BRINP3: variants seen among roughly 807,000 people sequenced by gnomAD.
BRINP3 encodes the protein BMP/retinoic acid-inducible neural-specific protein 3.
BRINP3 carries 19 observed loss-of-function variants against 71.0 expected under a neutral mutation model. The observed-to-expected ratio is 0.27, with a 90% CI of 0.19 to 0.39. The LOEUF (loss-of-function observed/expected upper bound fraction) is 0.39, where lower values mean the gene tolerates loss of function less well. BRINP3 is among the 10% of genes least tolerant of loss of function. The pLI is 1.00. For missense variants in BRINP3, 959 were observed against 940.8 expected (o/e 1.02, Z -0.25); for synonymous variants, 380 against 337.7 (o/e 1.13, Z -1.37).
rs542895902 is a variant in BRINP3 at position 190,345,235 on chromosome 1, T to A, written c.237-63485A>T. The stretch of plus-strand genomic sequence containing the variant: ...CATAACCAGTTGTGCATGTTCATAA[T>A]CGTTCCAGAAAAGAGACACAGATTT... On this transcript the variant is annotated intron_variant, in intron 2 of 7. Transcript: ENST00000367462. Among the ~76,000 whole-genome samples the A allele has an allele frequency of 1.4e-4, 22 of 151,860 alleles. No individual in the cohort carries two copies. In the South Asian group the frequency reaches 4.6e-3, roughly 31 times the overall value.
At chr1:190,127,983 T>C (rs191646140) in intron 7 of BRINP3, among the ~76,000 whole-genome samples, 1 of 151,780 alleles carries the variant, frequency 6.6e-6, no homozygotes. Context: ...TTGAGTCAAA[T>C]TTCTTGGTCC....
intron 1 of BRINP3, among the ~76,000 whole-genome samples, chr1:190,463,962 A>G (rs1176218112): frequency 2.0e-5 from 3 of 152,028 alleles, no homozygotes; most frequent in East Asian, 1.9e-4. Context: ...GGATTTTGCT[A>G]TTCTATTTCT....
At chr1:190,289,517 A>G (rs7530507) in intron 2 of BRINP3, among the ~76,000 whole-genome samples, 1,597 of 151,984 alleles carry the variant, frequency 0.011, 25 homozygotes, top group African/African-American at 0.036. Flanking sequence ...CAAGGTATAA[A>G]TTTTTTATTC....
intron 2 of BRINP3, among the ~76,000 whole-genome samples, chr1:190,329,158 T>TG (rs1471448849): frequency 1.3e-5 from 2 of 152,058 alleles, no homozygotes; most frequent in Admixed American, 1.3e-4. Flanking sequence ...AGCATGATAC[T>TG]GGAAGTGGTA....
At chr1:190,229,677 C>CACACAT (rs1160711805) in intron 5 of BRINP3, among the ~76,000 whole-genome samples, 1 of 151,182 alleles carries the variant, frequency 6.6e-6, no homozygotes, top group Non-Finnish European at 1.5e-5. Flanking sequence ...CACACACACA[C>CACACAT]ACACACACAC....
intron 2 of BRINP3, among the ~76,000 whole-genome samples, chr1:190,432,238 G>T (rs1310027913): frequency 6.6e-6 from 1 of 152,038 alleles, no homozygotes; most frequent in Non-Finnish European, 1.5e-5. Flanking sequence ...AACAGAAATT[G>T]CATCTTCAAC....
intron 2 of BRINP3, among the ~76,000 whole-genome samples, chr1:190,369,666 G>T (rs2102180438): frequency 6.6e-6 from 1 of 151,384 alleles, no homozygotes; most frequent in African/African-American, 2.4e-5. Flanking sequence ...AAAAAAGTAT[G>T]TTCTTGTGTT....
intron 7 of BRINP3, among the ~76,000 whole-genome samples, chr1:190,145,503 T>C (rs1455756703): frequency 6.6e-6 from 1 of 152,164 alleles, no homozygotes; most frequent in African/African-American, 2.4e-5. Flanking sequence ...AAGGATTAAG[T>C]AGGAATGGGT....
intron 3 of BRINP3, among the ~76,000 whole-genome samples, chr1:190,267,302 C>T (rs1571573782): frequency 6.6e-6 from 1 of 151,922 alleles, no homozygotes; most frequent in African/African-American, 2.4e-5. Flanking sequence ...TAGTATGACT[C>T]ACTGATGGCA....
chr1:190,263,178 T>C (rs1661343116), intron 4 of BRINP3, among the ~76,000 whole-genome samples: 2 of 152,200 alleles, frequency 1.3e-5, no homozygotes, highest in African/African-American at 4.8e-5. Flanking sequence ...TCCTTGAAAT[T>C]GATTTCTGGA....
intron 1 of BRINP3, among the ~76,000 whole-genome samples, chr1:190,469,887 A>C (rs1677015805): frequency 6.6e-6 from 1 of 151,158 alleles, no homozygotes; most frequent in South Asian, 2.1e-4. Flanking sequence ...TATTTGAATA[A>C]ACTCATGCTT....
intron 2 of BRINP3, among the ~76,000 whole-genome samples, chr1:190,327,879 C>T (rs1455494796): frequency 6.6e-6 from 1 of 152,050 alleles, no homozygotes; most frequent in East Asian, 1.9e-4. Flanking sequence ...TTAGCATACT[C>T]AAAGATTGAT....
chr1:190,162,973 C>A (rs1222947635), intron 6 of BRINP3, among the ~76,000 whole-genome samples: 1 of 152,006 alleles, frequency 6.6e-6, no homozygotes, highest in Non-Finnish European at 1.5e-5. Flanking sequence ...ATAAACCTGT[C>A]TTTTTATTTA....
At chr1:190,152,395 T>C (rs919034488) in intron 7 of BRINP3, among the ~76,000 whole-genome samples, 8 of 151,888 alleles carry the variant, frequency 5.3e-5, no homozygotes, top group Admixed American at 1.3e-4. Flanking sequence ...TTTCTCATTG[T>C]TGTAAAAATT....
chr1:190,235,745 A>T (rs984674521), intron 4 of BRINP3, among the ~76,000 whole-genome samples: 1 of 151,976 alleles, frequency 6.6e-6, no homozygotes, highest in Admixed American at 6.6e-5. Flanking sequence ...CTCAAATTTC[A>T]TTCTCTTGGG....
At chr1:190,288,687 A>T (rs1396695907) in intron 2 of BRINP3, among the ~76,000 whole-genome samples, 1 of 152,094 alleles carries the variant, frequency 6.6e-6, no homozygotes, top group African/African-American at 2.4e-5. Flanking sequence ...AATTTTTGGT[A>T]CATGTAAATT....
intron 4 of BRINP3, among the ~76,000 whole-genome samples, chr1:190,259,202 G>GTCC (rs1196684413): frequency 6.6e-6 from 1 of 150,534 alleles, no homozygotes; most frequent in African/African-American, 2.5e-5. Flanking sequence ...GGAAAATATA[G>GTCC]TCCAATATCC....
chr1:190,307,734 A>T (rs959168655), intron 2 of BRINP3, among the ~76,000 whole-genome samples: 1 of 151,962 alleles, frequency 6.6e-6, no homozygotes, highest in Non-Finnish European at 1.5e-5. Context: ...ATTAAGAAGT[A>T]ACTTTCTTTT....
chr1:190,133,065 A>C (rs1038047469), intron 7 of BRINP3, among the ~76,000 whole-genome samples: 2 of 152,068 alleles, frequency 1.3e-5, no homozygotes, highest in African/African-American at 2.4e-5. Context: ...CTGCAACTTC[A>C]TGAGAGATCC....
Sources: gnomAD v4.1 joint callset for allele counts (sites outside exome capture counted in the v4.1 genomes callset) on GRCh38, gnomAD v4.1.1 for gene constraint, MANE v1.5 for transcripts, NCBI Gene and HGNC (gene_info 2026-07-23, HGNC 2026-07-21) for gene names.